PRKAR2A: variants seen among roughly 807,000 people sequenced by gnomAD.
The protein encoded by PRKAR2A is protein kinase cAMP-dependent type II regulatory subunit alpha, also known as cAMP-dependent protein kinase type II-alpha regulatory subunit.
Under a neutral mutation model 51.9 loss-of-function variants are expected in PRKAR2A, and 29 were observed. That is an observed-to-expected ratio of 0.56 (90% CI 0.42 to 0.76). The LOEUF (loss-of-function observed/expected upper bound fraction) is 0.76. PRKAR2A is among the 30% of genes least tolerant of loss of function. PRKAR2A has a pLI of 0.00. For synonymous variants in PRKAR2A, 178 were observed against 186.2 expected (o/e 0.96, Z 0.36); for missense variants, 445 against 512.1 (o/e 0.87, Z 1.26).
intron 6 of PRKAR2A, among the ~76,000 whole-genome samples, chr3:48,771,786 T>C (rs1023689916): frequency 7.2e-5 from 11 of 152,104 alleles, no homozygotes; most frequent in Non-Finnish European, 1.3e-4. Context: ...TTTGGGTGAA[T>C]GTTCCATGGG....
chr3:48,786,049 A>G (rs2082285200), intron 4 of PRKAR2A, among the ~76,000 whole-genome samples: 1 of 152,120 alleles, frequency 6.6e-6, no homozygotes, highest in African/African-American at 2.4e-5. Flanking sequence ...AGCAACCTGA[A>G]ATCTCATATG....
intron 2 of PRKAR2A, 105 bp from the exon 3 acceptor site, chr3:48,794,154 CTTTTT>C (rs368082715): frequency 3.0e-6 from 2 of 662,398 alleles, no homozygotes; most frequent in Admixed American, 3.4e-5. Flanking sequence ...GTTTTCTTTT[CTTTTT>C]TTTTTTTTTG....
chr3:48,843,843 G>C (rs2083418341), intron 1 of PRKAR2A, among the ~76,000 whole-genome samples: 1 of 151,582 alleles, frequency 6.6e-6, no homozygotes, highest in Non-Finnish European at 1.5e-5. Context: ...ATTCAAGATG[G>C]ATTAAAGACT....
chr3:48,820,218 C>T (rs1227914671), intron 1 of PRKAR2A, among the ~76,000 whole-genome samples: 1 of 151,992 alleles, frequency 6.6e-6, no homozygotes. Context: ...GTAGATCTAC[C>T]GCAAGGGAAT....
At chr3:48,834,589 G>A (rs1349801796) in intron 1 of PRKAR2A, among the ~76,000 whole-genome samples, 1 of 151,880 alleles carries the variant, frequency 6.6e-6, no homozygotes, top group Non-Finnish European at 1.5e-5. Flanking sequence ...AGCCAGGCGT[G>A]GTGGTGCATG....
At chr3:48,773,179 A>G in intron 5 of PRKAR2A, 71 bp from the exon 6 acceptor site, 1 of 1,236,748 alleles carries the variant, frequency 8.1e-7, no homozygotes, top group Middle Eastern at 2.3e-4. Context: ...GCAGGTACAT[A>G]TAATAGAAAA....
chr3:48,764,597 G>C (rs2081910067), intron 8 of PRKAR2A, among the ~76,000 whole-genome samples: 1 of 152,116 alleles, frequency 6.6e-6, no homozygotes, highest in Non-Finnish European at 1.5e-5. Flanking sequence ...CTGGTAATAA[G>C]AGCTCCCAAC....
chr3:48,787,288 C>T (rs751022353), intron 4 of PRKAR2A, among the ~76,000 whole-genome samples: 6 of 152,104 alleles, frequency 3.9e-5, no homozygotes, highest in South Asian at 2.1e-4. Context: ...TGGGTTCAAG[C>T]GATTCTTCTG....
chr3:48,769,776 A>G (rs1296158660), intron 6 of PRKAR2A, among the ~76,000 whole-genome samples: 1 of 151,028 alleles, frequency 6.6e-6, no homozygotes, highest in Non-Finnish European at 1.5e-5. Context: ...ACGCCCGGCA[A>G]GCGACTTTTT....
intron 5 of PRKAR2A, among the ~76,000 whole-genome samples, chr3:48,776,964 C>T (rs2107269462): frequency 6.6e-6 from 1 of 152,236 alleles, no homozygotes; most frequent in Non-Finnish European, 1.5e-5. Context: ...CATTAGTCGA[C>T]TCCATTTTTG....
intron 1 of PRKAR2A, among the ~76,000 whole-genome samples, chr3:48,818,989 G>A (rs1408753627): frequency 1.3e-5 from 2 of 151,648 alleles, no homozygotes; most frequent in East Asian, 1.9e-4. Flanking sequence ...ATTCTGCCAC[G>A]TATACCCTGT....
chr3:48,793,049 A>G (rs1272687563), intron 3 of PRKAR2A, among the ~76,000 whole-genome samples: 1 of 151,970 alleles, frequency 6.6e-6, no homozygotes, highest in African/African-American at 2.4e-5. Flanking sequence ...AACCACTGTT[A>G]ACATCTGGGG....
At chr3:48,838,035 G>A (rs531547002) in intron 1 of PRKAR2A, among the ~76,000 whole-genome samples, 18 of 152,014 alleles carry the variant, frequency 1.2e-4, no homozygotes, top group Admixed American at 3.9e-4. Flanking sequence ...AAAATTAGCC[G>A]GGTGTGGTGG....
chr3:48,800,551 C>T (rs999079578), intron 2 of PRKAR2A, among the ~76,000 whole-genome samples: 3 of 151,818 alleles, frequency 2.0e-5, no homozygotes, highest in Admixed American at 1.3e-4. Flanking sequence ...CACACACACA[C>T]ACTAATTTGG....
intron 6 of PRKAR2A, 72 bp downstream of exon 6, chr3:48,772,883 C>T: frequency 1.4e-6 from 2 of 1,445,874 alleles, no homozygotes; most frequent in Non-Finnish European, 1.9e-6. Flanking sequence ...TGTAAATCAA[C>T]AGCCCAAGGA....
rs779197243 is a variant in PRKAR2A at position 48,765,017 on chromosome 3, C to A, written c.860G>T (p.Arg287Leu). ...IGEKIYKDGE[R>L]IITQGEKADS... ...GCCCTCACTCACCTGAGTGATTATG[C>A]GTTCTCCATCCTTATAGATCTTCTC... Residue 287 changes from arginine to leucine, a missense_variant, in exon 8 of 11, where the codon CGC (arginine) becomes CTC (leucine). Transcript: ENST00000265563. 4.3e-6 allele frequency: 7 copies of A among 1,613,746 alleles called. No individual in the cohort carries two copies. The highest frequency in any genetic ancestry group is 5.9e-6 in the Non-Finnish European group (7 of 1,179,796).
At chr3:48,846,840 G>A (rs2083471291) in intron 1 of PRKAR2A, among the ~76,000 whole-genome samples, 1 of 152,184 alleles carries the variant, frequency 6.6e-6, no homozygotes, top group African/African-American at 2.4e-5. Context: ...GAAACTTTGT[G>A]ACAAACGCAA....
At chr3:48,787,461 CA>C (rs2082313248) in intron 4 of PRKAR2A, among the ~76,000 whole-genome samples, 1 of 152,162 alleles carries the variant, frequency 6.6e-6, no homozygotes, top group Non-Finnish European at 1.5e-5. Context: ...GCTGGGATTA[CA>C]GGAATGAGCC....
chr3:48,847,287 C>T lies in PRKAR2A; in HGVS notation c.262+48G>A, dbSNP rs759864383. The T allele has an allele frequency of 1.9e-6, 3 of 1,602,232 alleles. No individual in the cohort carries two copies. Among genetic ancestry groups the T allele is most frequent in the Admixed American group, 1.7e-5 (1 of 58,838 alleles). On this transcript the variant is annotated intron_variant, in intron 1 of 10. Coordinates refer to ENST00000265563, the MANE Select transcript of PRKAR2A (RefSeq NM_004157.4). The surrounding 1 kb of genome is among the most constrained non-coding windows in gnomAD (Gnocchi z 4.4). ...CTGGCTCCCTGCCACCCCTCTAGACCTCTGGAGACCTCCTGCACCACTCCC... is the reference window on the plus strand; with the variant it reads ...CTGGCTCCCTGCCACCCCTCTAGACTTCTGGAGACCTCCTGCACCACTCCC...
Sources: allele counts gnomAD v4.1 joint callset (sites outside exome capture counted in the v4.1 genomes callset), GRCh38; gene constraint gnomAD v4.1.1; non-coding constraint Gnocchi (gnomAD v3.1); transcripts MANE v1.5; gene names NCBI Gene and HGNC (gene_info 2026-07-23, HGNC 2026-07-21).